USP37: variants seen among roughly 807,000 people sequenced by gnomAD.
The protein encoded by USP37 is ubiquitin carboxyl-terminal hydrolase 37.
A neutral mutation model predicts 124.0 loss-of-function variants in USP37; 27 were observed. The ratio of observed to expected loss-of-function variants is 0.22; its 90% CI spans 0.16 to 0.30. USP37 has a LOEUF of 0.30. Among genes scored for constraint, USP37 ranks in the 10% least tolerant of loss-of-function variants. USP37 has a pLI of 1.00. For missense variants in USP37, 889 were observed against 1,140.4 expected (o/e 0.78, Z 3.17); for synonymous variants, 365 against 388.0 (o/e 0.94, Z 0.70).
At chr2:218,513,611 C>T (rs1322821628) in intron 10 of USP37, among the ~76,000 whole-genome samples, 1 of 152,118 alleles carries the variant, frequency 6.6e-6, no homozygotes, top group African/African-American at 2.4e-5. Context: ...TTTTCTGTCA[C>T]TATAGATTAC....
Position 218,466,119 on chromosome 2 carries a change from G to T in USP37, c.2357C>A (p.Thr786Asn). ...KDCDENKENK[T>N]PEGSQGEVDW... is the part of the protein sequence containing the mutation. ...AACTTCTCCCTGAGATCCTTCTGGA[G>T]TTTTGTTTTCTTTATTCTCATCACA... The change falls in exon 21 of 26, where the codon ACT (threonine) becomes AAT (asparagine). Residue 786 changes from threonine (T) to asparagine (N), a missense_variant. Transcript: ENST00000258399. 6.2e-7 allele frequency: 1 copy of T among 1,613,826 alleles called. No individual in the cohort carries two copies.
chr2:218,508,636 G>C (rs550760318), intron 11 of USP37, among the ~76,000 whole-genome samples: 68 of 152,290 alleles, frequency 4.5e-4, no homozygotes, highest in African/African-American at 1.2e-3. Flanking sequence ...AATGTTGTCT[G>C]GTTAGGAGGC....
At chr2:218,555,701 T>G (rs1375457119) in intron 4 of USP37, among the ~76,000 whole-genome samples, 1 of 152,096 alleles carries the variant, frequency 6.6e-6, no homozygotes, top group East Asian at 1.9e-4. Flanking sequence ...GACACACAAC[T>G]CTTCCTCTAT....
intron 1 of USP37, among the ~76,000 whole-genome samples, chr2:218,567,159 T>C (rs1228633023): frequency 6.6e-6 from 1 of 152,162 alleles, no homozygotes; most frequent in African/African-American, 2.4e-5. Flanking sequence ...ACCCAAATAC[T>C]CATTTTACTT....
intron 4 of USP37, among the ~76,000 whole-genome samples, chr2:218,553,940 T>C (rs1450077800): frequency 6.6e-6 from 1 of 152,180 alleles, no homozygotes; most frequent in African/African-American, 2.4e-5. Flanking sequence ...CAATAAGCCT[T>C]TAATTATACA....
At chr2:218,489,020 T>C (rs1459634845) in intron 14 of USP37, among the ~76,000 whole-genome samples, 1 of 152,086 alleles carries the variant, frequency 6.6e-6, no homozygotes, top group South Asian at 2.1e-4. Context: ...GTCGCAGGTA[T>C]ACAGCTTGAT....
intron 23 of USP37, among the ~76,000 whole-genome samples, chr2:218,458,024 AG>A (rs1344570130): frequency 4.9e-5 from 7 of 142,328 alleles, no homozygotes; most frequent in East Asian, 2.1e-4. Flanking sequence ...TGGGCGACAG[AG>A]CAAGACTCTG....
At position 218,524,500 on chromosome 2, in the gene USP37, TTTC is replaced by T. The variant is rs1690841036; in HGVS notation, c.863+5453_863+5455del. Among the ~76,000 whole-genome samples the T allele has an allele frequency of 3.9e-5, 6 of 152,354 alleles. No homozygotes were observed. In the South Asian group the frequency reaches 1.2e-3, roughly 32 times the overall value. ...TCCCTGAATCTTCTCCACTCCTGTA[TTTC>T]TTTTGTCCAATGTTTTATTAAGTAT... On this transcript the variant is annotated intron_variant, in intron 10 of 25. Transcript: ENST00000258399.
Position 218,488,370 on chromosome 2 carries a change from G to C in USP37, c.1524C>G (p.Asp508Glu). 6.2e-7 allele frequency: 1 copy of C among 1,612,974 alleles called. No individual in the cohort carries two copies. Among genetic ancestry groups the C allele is most frequent in the South Asian group, 1.1e-5 (1 of 90,794 alleles). Reference protein sequence around the residue: ...KREQFNDLSIDLPRRKKPLPP... With the variant: ...KREQFNDLSIELPRRKKPLPP... ...GGAGTGGTTTTTTCCTACGAGGAAG[G>C]TCAATAGAGAGGTCATTAAACTGTT... The change falls in exon 15 of 26, where the codon GAC becomes GAG. Residue 508 changes from aspartate (D) to glutamate (E), a missense_variant. Around this residue, in one of 3 missense-constraint regions of USP37, gnomAD observed 504 missense variants for 714.3 expected, o/e 0.71. Coordinates refer to ENST00000258399, the MANE Select transcript of USP37 (RefSeq NM_020935.3).
intron 8 of USP37, among the ~76,000 whole-genome samples, chr2:218,535,946 G>A (rs1270794581): frequency 2.9e-5 from 4 of 140,296 alleles, no homozygotes; most frequent in Non-Finnish European, 6.1e-5. Context: ...GAACCCAGAG[G>A]CAGAGGTTGC....
rs536871735 is a variant in USP37 at position 218,472,351 on chromosome 2, C to T, written c.2299+2279G>A. On this transcript the variant is annotated intron_variant, in intron 20 of 25. Transcript: ENST00000258399. ...GTTCACTAGATGCTGTCTTTGGAGA[C>T]TGAGTGTGTATATACACACACTCAC... Among the ~76,000 whole-genome samples the T allele has an allele frequency of 3.3e-5, 5 of 152,208 alleles. 1 individual carries two copies. In the South Asian group the frequency reaches 1.0e-3, roughly 32 times the overall value.
chr2:218,506,349 G>T (rs1689679642), intron 11 of USP37, among the ~76,000 whole-genome samples: 1 of 137,366 alleles, frequency 7.3e-6, no homozygotes, highest in African/African-American at 2.9e-5. Context: ...GGAGTGCAGT[G>T]GTGCGATCTC....
chr2:218,455,844 G>A, intron 24 of USP37, 126 bp from the exon 25 acceptor site: 3 of 973,724 alleles, frequency 3.1e-6, no homozygotes, highest in South Asian at 3.6e-5. Flanking sequence ...TCAGGAGTTT[G>A]AGACCAGCCT....
intron 1 of USP37, among the ~76,000 whole-genome samples, chr2:218,563,163 C>CAA (rs11399554): frequency 0.027 from 3,382 of 123,446 alleles, 132 homozygotes; most frequent in African/African-American, 0.088. Context: ...AACTCCATCT[C>CAA]AAAAAAAAAA....
chr2:218,494,084 T>C (rs997998276), intron 14 of USP37, among the ~76,000 whole-genome samples: 2 of 152,174 alleles, frequency 1.3e-5, no homozygotes, highest in African/African-American at 4.8e-5. Flanking sequence ...GATCCGGATA[T>C]TTTCTTTAGA....
intron 22 of USP37, among the ~76,000 whole-genome samples, chr2:218,462,107 A>C (rs1690041000): frequency 6.6e-6 from 1 of 152,178 alleles, no homozygotes; most frequent in Admixed American, 6.6e-5. Flanking sequence ...CAGTGAGCCA[A>C]GATTGTGCCA....
intron 10 of USP37, among the ~76,000 whole-genome samples, chr2:218,523,013 C>T (rs552458747): frequency 6.6e-6 from 1 of 151,756 alleles, no homozygotes; most frequent in South Asian, 2.1e-4. Context: ...CGGTGGCTTA[C>T]GCTTGTAATC....
At position 218,474,536 on chromosome 2, in the gene USP37, A is replaced by G. The variant is rs577341876; in HGVS notation, c.2299+94T>C. 3.3e-6 allele frequency: 5 copies of G among 1,522,740 alleles called. No homozygotes were observed. In the African/African-American group the frequency reaches 5.6e-5, roughly 17 times the overall value. 94.3% of individuals were successfully genotyped at this position (1,522,740 alleles called of 1,614,324 possible). On this transcript the variant is annotated intron_variant, in intron 20 of 25. Transcript: ENST00000258399. ...ACCACCATGCTCAGCTAATTTTTCT[A>G]TTTATCTCCCGTTATTTGGAGGTTA...
chr2:218,482,298 A>G, intron 16 of USP37, 64 bp from the exon 17 acceptor site: 12 of 1,522,094 alleles, frequency 7.9e-6, no homozygotes, highest in Non-Finnish European at 1.1e-5. Context: ...TCTTACAGTA[A>G]AAGAGATCAC....
Sources: allele counts gnomAD v4.1 joint callset (sites outside exome capture counted in the v4.1 genomes callset), GRCh38; gene constraint gnomAD v4.1.1; regional missense constraint gnomAD v4.1.1; transcripts MANE v1.5; gene names NCBI Gene and HGNC (gene_info 2026-07-23, HGNC 2026-07-21).